Variants in ST6GAL1 observed in about 807,000 individuals in gnomAD.
ST6GAL1 encodes the protein beta-galactoside alpha-2,6-sialyltransferase 1.
Under a neutral mutation model 38.0 loss-of-function variants are expected in ST6GAL1, and 20 were observed. The observed-to-expected ratio is 0.53, with a 90% confidence interval of 0.37 to 0.77. The LOEUF (loss-of-function observed/expected upper bound fraction) is 0.77, where lower values mean the gene tolerates loss of function less well. Ranked by LOEUF, ST6GAL1 falls within the 30% of genes least tolerant of loss-of-function variation. The pLI, the probability that ST6GAL1 is intolerant of heterozygous loss-of-function variation, is 0.00. For synonymous variants in ST6GAL1, 196 were observed against 188.2 expected (o/e 1.04, Z -0.34); for missense variants, 432 against 496.4 (o/e 0.87, Z 1.23).
chr3:187,015,621 T>C (rs535923437), intron 2 of ST6GAL1, among the ~76,000 whole-genome samples: 103 of 152,122 alleles, frequency 6.8e-4, no homozygotes, highest in Non-Finnish European at 1.2e-3. Context: ...GTGGACTGGT[T>C]GAGCCCAGGG....
intron 5 of ST6GAL1, among the ~76,000 whole-genome samples, chr3:187,058,519 T>C (rs756454125): frequency 1.3e-5 from 2 of 151,694 alleles, no homozygotes; most frequent in African/African-American, 2.4e-5. Context: ...TAATACCTTT[T>C]AATTTTTTTT....
chr3:187,013,503 C>G (rs935132373), intron 2 of ST6GAL1, among the ~76,000 whole-genome samples: 1 of 152,214 alleles, frequency 6.6e-6, no homozygotes, highest in African/African-American at 2.4e-5. Flanking sequence ...ACCCTGCCTC[C>G]CACGAGGGTC....
intron 2 of ST6GAL1, among the ~76,000 whole-genome samples, chr3:186,981,873 T>A (rs527593349): frequency 2.0e-5 from 3 of 152,300 alleles, no homozygotes; most frequent in Non-Finnish European, 1.5e-5. Flanking sequence ...CTTGAATACC[T>A]CCTTTACTAA....
At chr3:187,016,088 G>A (rs1303661461) in intron 2 of ST6GAL1, among the ~76,000 whole-genome samples, 3 of 152,234 alleles carry the variant, frequency 2.0e-5, no homozygotes, top group Admixed American at 2.0e-4. Flanking sequence ...GGCAATCACA[G>A]TCACTTTTCA....
chr3:186,975,425 G>T (rs1161380731), intron 2 of ST6GAL1, among the ~76,000 whole-genome samples: 1 of 152,192 alleles, frequency 6.6e-6, no homozygotes, highest in Admixed American at 6.5e-5. Flanking sequence ...GACTTGACTT[G>T]GACAGGGGCA....
At chr3:187,048,880 A>AATTTTT (rs1286181913) in intron 4 of ST6GAL1, among the ~76,000 whole-genome samples, 4 of 115,456 alleles carry the variant, frequency 3.5e-5, no homozygotes, top group African/African-American at 1.5e-4. Flanking sequence ...GAGAAATTGA[A>AATTTTT]TTTTTTTTTT....
At position 187,042,692 on chromosome 3, in the gene ST6GAL1, C is replaced by A. The variant is rs1275226406; in HGVS notation, c.-12C>A. 2 of 1,595,066 alleles carry A rather than the reference C, an allele frequency of 1.3e-6. No homozygotes were observed. Among genetic ancestry groups the A allele is most frequent in the Non-Finnish European group, 8.5e-7 (1 of 1,171,870 alleles). On this transcript the variant is annotated 5_prime_UTR_variant, in exon 4 of 8. Transcript: ENST00000169298. Reference sequence around the variant, plus strand: ...CTCAGAACAAAGTGACTTCCCTGAACACATCTTCATTATGATTCACACCAA... The same window carrying A: ...CTCAGAACAAAGTGACTTCCCTGAAAACATCTTCATTATGATTCACACCAA...
intron 4 of ST6GAL1, among the ~76,000 whole-genome samples, chr3:187,045,415 AC>A (rs1273841442): frequency 6.6e-6 from 1 of 152,080 alleles, no homozygotes; most frequent in Non-Finnish European, 1.5e-5. Flanking sequence ...TTGATAGTTT[AC>A]TCATACATGT....
chr3:187,062,433 A>C (rs1452683687), intron 5 of ST6GAL1, among the ~76,000 whole-genome samples: 1 of 152,166 alleles, frequency 6.6e-6, no homozygotes. Context: ...AAGGAACCCA[A>C]GTGTCTGTTG....
At chr3:186,946,490 TC>T (rs1158861662) in intron 1 of ST6GAL1, among the ~76,000 whole-genome samples, 1 of 152,098 alleles carries the variant, frequency 6.6e-6, no homozygotes. Context: ...CAAGTGATCC[TC>T]CCGCCGGCCT....
At chr3:186,941,750 T>C (rs376139407) in intron 1 of ST6GAL1, among the ~76,000 whole-genome samples, 7 of 152,262 alleles carry the variant, frequency 4.6e-5, no homozygotes, top group East Asian at 3.9e-4. Context: ...CGGTGGCTCA[T>C]GCCTGTAATC....
intron 1 of ST6GAL1, among the ~76,000 whole-genome samples, chr3:186,955,131 A>G (rs1273315463): frequency 6.6e-6 from 1 of 152,190 alleles, no homozygotes. Flanking sequence ...GGCAAAGATC[A>G]GATGGTTATA....
chr3:187,011,156 G>A (rs1716943906), intron 2 of ST6GAL1, among the ~76,000 whole-genome samples: 1 of 152,142 alleles, frequency 6.6e-6, no homozygotes, highest in Admixed American at 6.5e-5. Flanking sequence ...ATGCCACCAT[G>A]CCCGGCAAAT....
At chr3:186,968,139 G>A (rs945591294) in intron 2 of ST6GAL1, among the ~76,000 whole-genome samples, 2 of 152,192 alleles carry the variant, frequency 1.3e-5, no homozygotes, top group African/African-American at 4.8e-5. Context: ...ATCACAGTAC[G>A]GAGAAAAGTG....
In ST6GAL1 at chr3:187,075,857, A is replaced by G; in HGVS notation, c.*54A>G. The G allele has an allele frequency of 6.2e-7, 1 of 1,600,624 alleles. No homozygotes were observed. Among genetic ancestry groups the G allele is most frequent in the Non-Finnish European group, 8.5e-7 (1 of 1,171,766 alleles). On this transcript the variant is annotated 3_prime_UTR_variant, in exon 8 of 8. Coordinates refer to ENST00000169298, the MANE Select transcript of ST6GAL1 (RefSeq NM_173216.2). This position sits in a 1 kb window ranked among gnomAD's most constrained non-coding sequence, Gnocchi z 4.1. ...GCATTAAATGAATGGTCTCTTGGCCACCCCAGCCTGGGAAGAACATTTTCC... is the reference window on the plus strand; with the variant it reads ...GCATTAAATGAATGGTCTCTTGGCCGCCCCAGCCTGGGAAGAACATTTTCC...
chr3:187,060,203 C>T (rs1394260326), intron 5 of ST6GAL1, among the ~76,000 whole-genome samples: 1 of 152,116 alleles, frequency 6.6e-6, no homozygotes, highest in East Asian at 1.9e-4. Context: ...GCCTGTCACC[C>T]GGGCTGGAGT....
chr3:187,056,901 C>T (rs1718721510), intron 5 of ST6GAL1, among the ~76,000 whole-genome samples: 1 of 152,184 alleles, frequency 6.6e-6, no homozygotes, highest in South Asian at 2.1e-4. Context: ...GAGTGTTTTC[C>T]AACTTGGATC....
intron 5 of ST6GAL1, chr3:187,051,682 G>A: frequency 3.6e-6 from 1 of 277,924 alleles, no homozygotes. Flanking sequence ...AGTGGGGAGT[G>A]TTGTGAAAAG....
rs374270608 is a variant in ST6GAL1 at position 186,998,589 on chromosome 3, A to T, written c.-183+34663A>T. On this transcript the variant is annotated intron_variant, in intron 2 of 7. Coordinates refer to ENST00000169298, the MANE Select transcript of ST6GAL1 (RefSeq NM_173216.2). The stretch of plus-strand genomic sequence containing the variant: ...GGAGGGCGAGGGGGAGGCAGGAGAG[A>T]CAGGCACACTTAGTGTAACTTTTAT... 4.6e-5 allele frequency among the ~76,000 whole-genome samples: 7 copies of T among 152,264 alleles called. No homozygotes were observed. The South Asian group carries it at 1.5e-3, about 32-fold the overall frequency.
Sources: gnomAD v4.1 joint callset for allele counts (sites outside exome capture counted in the v4.1 genomes callset) on GRCh38, gnomAD v4.1.1 for gene constraint, Gnocchi (gnomAD v3.1) non-coding constraint, MANE v1.5 for transcripts, NCBI Gene and HGNC (gene_info 2026-07-23, HGNC 2026-07-21) for gene names.